Variants in CPA5 observed in about 807,000 individuals in gnomAD.
CPA5 encodes the protein testicular tissue protein Li 32.
A neutral mutation model predicts 52.2 loss-of-function variants in CPA5; 38 were observed. The ratio of observed to expected loss-of-function variants is 0.73; its 90% CI spans 0.56 to 0.95. The LOEUF (loss-of-function observed/expected upper bound fraction) is 0.95. CPA5 is among the 40% of genes least tolerant of loss of function. The probability of loss-of-function intolerance (pLI) is 0.00; values close to 1 mark genes in which losing one functional copy is unlikely to be tolerated. For synonymous variants in CPA5, 198 were observed against 213.7 expected (o/e 0.93, Z 0.64); for missense variants, 519 against 566.7 (o/e 0.92, Z 0.86).
At chr7:130,366,801 G>C (rs1796111215) in intron 10 of CPA5, among the ~76,000 whole-genome samples, 1 of 152,256 alleles carries the variant, frequency 6.6e-6, no homozygotes, top group African/African-American at 2.4e-5. Flanking sequence ...TGCTCACTAG[G>C]GGAAGCCAGG....
chr7:130,369,621 GTGTT>G (rs1447001017), downstream of CPA5, among the ~76,000 whole-genome samples: 1 of 152,176 alleles, frequency 6.6e-6, no homozygotes, highest in Non-Finnish European at 1.5e-5. Flanking sequence ...GGCTGTGTGT[GTGTT>G]TGTGTGTGTG....
At chr7:130,352,292 G>C (rs971829795) in intron 5 of CPA5, among the ~76,000 whole-genome samples, 24 of 152,256 alleles carry the variant, frequency 1.6e-4, no homozygotes, top group African/African-American at 5.5e-4. Context: ...CATCGGGCAA[G>C]GGGCTGGAAA....
chr7:130,353,110 T>C (rs563262968), intron 5 of CPA5, among the ~76,000 whole-genome samples: 1 of 152,054 alleles, frequency 6.6e-6, no homozygotes, highest in Admixed American at 6.5e-5. Flanking sequence ...AATACAGTTA[T>C]TTCTCCCATT....
At chr7:130,349,893 C>A in intron 4 of CPA5, 82 bp from the exon 5 acceptor site, 2 of 1,484,898 alleles carry the variant, frequency 1.3e-6, no homozygotes, top group Non-Finnish European at 9.1e-7. Context: ...CTGAGAGATT[C>A]TCTGGCTCTC....
intron 5 of CPA5, among the ~76,000 whole-genome samples, chr7:130,351,914 C>T (rs1795169801): frequency 1.3e-5 from 2 of 152,094 alleles, no homozygotes; most frequent in South Asian, 2.1e-4. Flanking sequence ...AGGACAGGCA[C>T]AACCTTATTC....
chr7:130,344,822 TTCTC>T lies in CPA5; in HGVS notation c.-525_-522del, dbSNP rs782148067. 1 of 151,408 alleles carries T rather than the reference TTCTC, an allele frequency of 6.6e-6. No individual in the cohort carries two copies. The highest frequency in any genetic ancestry group is 2.4e-5 in the African/African-American group (1 of 41,342). The allele number at this position is 151,408 out of a possible 1,614,324, so 9.4% of individuals were successfully genotyped here. ...AGAATTCTCAAAACTTCCTAACTGC[TTCTC>T]TCTCTCTCTTTTACTCTTATTCTTT... On this transcript the variant is annotated 5_prime_UTR_variant, in exon 1 of 13. Coordinates refer to ENST00000474905, the MANE Select transcript of CPA5 (RefSeq NM_080385.5).
intron 7 of CPA5, among the ~76,000 whole-genome samples, chr7:130,361,718 C>T (rs1472758859): frequency 6.6e-6 from 1 of 152,202 alleles, no homozygotes; most frequent in Non-Finnish European, 1.5e-5. Context: ...ATTCAAGCAA[C>T]TCAGGACCCT....
At chr7:130,348,867 A>G (rs1013763727) in intron 4 of CPA5, among the ~76,000 whole-genome samples, 1 of 152,196 alleles carries the variant, frequency 6.6e-6, no homozygotes, top group Admixed American at 6.5e-5. Flanking sequence ...AAAATTCCAG[A>G]AAGAAACAAC....
chr7:130,354,334 T>A (rs1167299082), intron 5 of CPA5, among the ~76,000 whole-genome samples: 4 of 152,228 alleles, frequency 2.6e-5, no homozygotes, highest in Admixed American at 1.3e-4. Flanking sequence ...GCTTATATAA[T>A]TTAATTCTTT....
intron 10 of CPA5, among the ~76,000 whole-genome samples, chr7:130,363,759 G>GC (rs1554407523): frequency 6.6e-6 from 1 of 152,186 alleles, no homozygotes; most frequent in African/African-American, 2.4e-5. Flanking sequence ...AGTTAGGGGA[G>GC]CCCCAGCTCC....
intron 5 of CPA5, among the ~76,000 whole-genome samples, chr7:130,358,865 G>C (rs898976011): frequency 1.3e-5 from 2 of 152,212 alleles, no homozygotes. Context: ...TATGGGCAGC[G>C]GGAAGTACCA....
chr7:130,354,428 C>T (rs1490378494), intron 5 of CPA5, among the ~76,000 whole-genome samples: 1 of 152,002 alleles, frequency 6.6e-6, no homozygotes, highest in African/African-American at 2.4e-5. Context: ...GGGTCTCACT[C>T]CCTCACCCAG....
chr7:130,363,994 T>C (rs1346697440), intron 10 of CPA5, among the ~76,000 whole-genome samples: 1 of 152,138 alleles, frequency 6.6e-6, no homozygotes, highest in Non-Finnish European at 1.5e-5. Context: ...AGGGCAATAG[T>C]TTCAAGTGTC....
chr7:130,358,172 A>T (rs1795596089), intron 5 of CPA5, among the ~76,000 whole-genome samples: 3 of 151,904 alleles, frequency 2.0e-5, no homozygotes, highest in African/African-American at 4.8e-5. Context: ...TTTTAATTTT[A>T]ATTTTTTGTA....
intron 5 of CPA5, among the ~76,000 whole-genome samples, chr7:130,356,107 G>A (rs1279610860): frequency 2.0e-5 from 3 of 152,128 alleles, no homozygotes; most frequent in Non-Finnish European, 4.4e-5. Flanking sequence ...GAGAGGCAGC[G>A]GCTGCTGTCC....
intron 10 of CPA5, among the ~76,000 whole-genome samples, chr7:130,365,217 T>C (rs925924612): frequency 6.6e-6 from 1 of 152,184 alleles, no homozygotes; most frequent in East Asian, 1.9e-4. Context: ...AACAAGACCA[T>C]GCAAAATTAG....
intron 5 of CPA5, among the ~76,000 whole-genome samples, chr7:130,353,053 C>T (rs1032670787): frequency 2.0e-5 from 3 of 152,060 alleles, no homozygotes; most frequent in South Asian, 2.1e-4. Flanking sequence ...GTAAATACTG[C>T]GTTGCCAATT....
chr7:130,349,608 C>T (rs568393837), intron 4 of CPA5, among the ~76,000 whole-genome samples: 6 of 152,064 alleles, frequency 3.9e-5, no homozygotes, highest in African/African-American at 7.2e-5. Context: ...ACAAAGAATA[C>T]GTGCTTGAGT....
At position 130,366,286 on chromosome 7, in the gene CPA5, G is replaced by T. The variant is rs185692296; in HGVS notation, c.839-1086G>T. Among the ~76,000 whole-genome samples the T allele has an allele frequency of 1.8e-3, 272 of 152,302 alleles. 3 individuals carry two copies. The highest frequency in any genetic ancestry group is 6.6e-3 in the South Asian group (32 of 4,818). On this transcript the variant is annotated intron_variant, in intron 10 of 12. Coordinates refer to ENST00000474905, the MANE Select transcript of CPA5 (RefSeq NM_080385.5). ...GCTGTGGCCTCCTCAGGAGACTTCAGAAGTTGAGGCGATCCCTGATCTCTG... is the reference window on the plus strand; with the variant it reads ...GCTGTGGCCTCCTCAGGAGACTTCATAAGTTGAGGCGATCCCTGATCTCTG...
Sources: allele counts gnomAD v4.1 joint callset (sites outside exome capture counted in the v4.1 genomes callset), GRCh38; gene constraint gnomAD v4.1.1; transcripts MANE v1.5; gene names NCBI Gene and HGNC (gene_info 2026-07-23, HGNC 2026-07-21).